Variants in ZMAT4 observed in about 807,000 individuals in gnomAD.
The protein encoded by ZMAT4 is zinc finger matrin-type 4, also known as zinc finger matrin-type protein 4.
In ZMAT4, 17 loss-of-function variants were observed where a neutral mutation model predicts 28.7. The observed-to-expected ratio is 0.59, with a 90% CI of 0.41 to 0.89. ZMAT4 has a LOEUF of 0.89. Among genes scored for constraint, ZMAT4 ranks in the 40% least tolerant of loss-of-function variants. The pLI is 0.00. For synonymous variants in ZMAT4, 117 were observed against 109.2 expected (o/e 1.07, Z -0.44); for missense variants, 240 against 283.8 (o/e 0.85, Z 1.11).
intron 1 of ZMAT4, among the ~76,000 whole-genome samples, chr8:40,869,379 T>C (rs1205377150): frequency 6.6e-6 from 1 of 152,196 alleles, no homozygotes; most frequent in East Asian, 1.9e-4. Context: ...TTGTTTTGTT[T>C]TTGTTTTTTG....
intron 1 of ZMAT4, among the ~76,000 whole-genome samples, chr8:40,854,386 A>C (rs1404848121): frequency 6.6e-6 from 1 of 152,242 alleles, no homozygotes; most frequent in East Asian, 1.9e-4. Flanking sequence ...AAGGAAATGA[A>C]GACCAAAATA....
chr8:40,706,318 T>A (rs548511112), intron 3 of ZMAT4, among the ~76,000 whole-genome samples: 1 of 152,214 alleles, frequency 6.6e-6, no homozygotes, highest in Non-Finnish European at 1.5e-5. Context: ...CCTCCCAAAG[T>A]GCTGGGATTA....
At chr8:40,792,881 A>G (rs914572102) in intron 2 of ZMAT4, among the ~76,000 whole-genome samples, 2 of 151,926 alleles carry the variant, frequency 1.3e-5, no homozygotes, top group South Asian at 2.1e-4. Flanking sequence ...GATACTAGCT[A>G]TATAATGTTC....
At position 40,663,364 on chromosome 8, in the gene ZMAT4, C is replaced by T. The variant is rs150470481; in HGVS notation, c.577+11340G>A. Reference sequence around the variant, plus strand: ...AGCTTTTTTTTCACATTTTGTGTTACGTTTATTTCAATAAAGATATTATCT... The same window carrying T: ...AGCTTTTTTTTCACATTTTGTGTTATGTTTATTTCAATAAAGATATTATCT... On this transcript the variant is annotated intron_variant, in intron 5 of 6. Coordinates refer to ENST00000297737, the MANE Select transcript of ZMAT4 (RefSeq NM_024645.3). Among the ~76,000 whole-genome samples the T allele has an allele frequency of 1.1e-4, 16 of 152,152 alleles. No individual in the cohort carries two copies. In the East Asian group the frequency reaches 1.4e-3, roughly 13 times the overall value.
chr8:40,647,979 C>A (rs928634086), intron 5 of ZMAT4, among the ~76,000 whole-genome samples: 1 of 152,198 alleles, frequency 6.6e-6, no homozygotes, highest in Admixed American at 6.5e-5. Context: ...GGGGAAAAAA[C>A]AGAACAGAAA....
At chr8:40,570,507 C>T (rs1015500583) in intron 6 of ZMAT4, among the ~76,000 whole-genome samples, 12 of 151,872 alleles carry the variant, frequency 7.9e-5, no homozygotes, top group African/African-American at 2.7e-4. Flanking sequence ...GAGACCAGCC[C>T]GGGCCACACA....
At chr8:40,763,517 A>C (rs540331111) in intron 3 of ZMAT4, among the ~76,000 whole-genome samples, 1 of 152,214 alleles carries the variant, frequency 6.6e-6, no homozygotes, top group Non-Finnish European at 1.5e-5. Flanking sequence ...CACTATTTTT[A>C]CCCTGCCCAG....
chr8:40,641,393 G>A (rs557700742), intron 5 of ZMAT4, among the ~76,000 whole-genome samples: 1 of 152,176 alleles, frequency 6.6e-6, no homozygotes, highest in Non-Finnish European at 1.5e-5. Flanking sequence ...TCCAAATCTT[G>A]TTAGACAAAT....
At chr8:40,703,733 T>G (rs897444478) in intron 3 of ZMAT4, among the ~76,000 whole-genome samples, 1 of 152,204 alleles carries the variant, frequency 6.6e-6, no homozygotes, top group Non-Finnish European at 1.5e-5. Context: ...AGGTGAGTTT[T>G]GTGACATATG....
At chr8:40,860,874 G>A (rs963466188) in intron 1 of ZMAT4, among the ~76,000 whole-genome samples, 3 of 152,172 alleles carry the variant, frequency 2.0e-5, no homozygotes, top group Admixed American at 1.3e-4. Context: ...CTGGCCCTAT[G>A]TGAGCCCTTA....
chr8:40,819,441 C>A (rs1264321312), intron 2 of ZMAT4, among the ~76,000 whole-genome samples: 1 of 152,124 alleles, frequency 6.6e-6, no homozygotes. Context: ...AAAATTGTCC[C>A]ACCCCTCCCC....
intron 4 of ZMAT4, among the ~76,000 whole-genome samples, chr8:40,677,323 A>G (rs779399836): frequency 6.1e-5 from 9 of 147,788 alleles, no homozygotes; most frequent in Admixed American, 4.0e-4. Flanking sequence ...CTTCTGTTGT[A>G]ACTGTCTTCA....
At chr8:40,543,379 C>T (rs548961963) in intron 6 of ZMAT4, among the ~76,000 whole-genome samples, 2 of 152,338 alleles carry the variant, frequency 1.3e-5, no homozygotes, top group African/African-American at 4.8e-5. Flanking sequence ...GCAAAGGCAG[C>T]GATGGGTGTA....
intron 3 of ZMAT4, among the ~76,000 whole-genome samples, chr8:40,746,865 C>G (rs952743205): frequency 6.6e-6 from 1 of 152,168 alleles, no homozygotes; most frequent in Non-Finnish European, 1.5e-5. Context: ...AATGCTGTCC[C>G]TCTTCCTGGA....
intron 1 of ZMAT4, among the ~76,000 whole-genome samples, chr8:40,892,771 T>C (rs774626918): frequency 3.9e-5 from 6 of 152,160 alleles, no homozygotes; most frequent in East Asian, 1.9e-4. Context: ...TCCCATGCAA[T>C]AGACAGAATC....
intron 1 of ZMAT4, among the ~76,000 whole-genome samples, chr8:40,828,980 T>C (rs1816178490): frequency 6.6e-6 from 1 of 151,636 alleles, no homozygotes; most frequent in Non-Finnish European, 1.5e-5. Context: ...AAATTTCCAG[T>C]TTTTTAGCCT....
At chr8:40,624,580 T>C (rs2722433) in intron 5 of ZMAT4, among the ~76,000 whole-genome samples, 149,164 of 152,318 alleles carry the variant, frequency 0.98, 73,134 homozygotes, top group Middle Eastern at 1. Context: ...ATCTTTAATC[T>C]TTAAGAAATA....
chr8:40,561,257 T>A (rs186819418), intron 6 of ZMAT4, among the ~76,000 whole-genome samples: 17 of 152,258 alleles, frequency 1.1e-4, no homozygotes, highest in Non-Finnish European at 1.9e-4. Flanking sequence ...AACTCAGCAC[T>A]TTTAATGCTG....
chr8:40,615,273 T>C (rs1188354444), intron 5 of ZMAT4, among the ~76,000 whole-genome samples: 1 of 152,218 alleles, frequency 6.6e-6, no homozygotes, highest in Non-Finnish European at 1.5e-5. Flanking sequence ...TTCTGGCTTG[T>C]AGAGTTTCTG....
Sources: allele counts gnomAD v4.1 joint callset (sites outside exome capture counted in the v4.1 genomes callset), GRCh38; gene constraint gnomAD v4.1.1; transcripts MANE v1.5; gene names NCBI Gene and HGNC (gene_info 2026-07-23, HGNC 2026-07-21).